Variants in PTCHD4 observed in about 807,000 individuals in gnomAD.
PTCHD4 encodes the protein patched domain-containing protein 4.
PTCHD4 carries 33 observed loss-of-function variants against 58.1 expected under a neutral mutation model. That is an observed-to-expected ratio of 0.57 (90% CI 0.43 to 0.76). The LOEUF (loss-of-function observed/expected upper bound fraction) is 0.76. PTCHD4 is among the 30% of genes least tolerant of loss of function. PTCHD4 has a pLI of 0.00. For synonymous variants in PTCHD4, 478 were observed against 409.6 expected (o/e 1.17, Z -2.02); for missense variants, 1,058 against 1,027.1 (o/e 1.03, Z -0.41).
chr6:48,066,074 C>G (rs550532354), intron 3 of PTCHD4, among the ~76,000 whole-genome samples: 1 of 151,700 alleles, frequency 6.6e-6, no homozygotes, highest in South Asian at 2.1e-4. Context: ...TTGCAGGTTA[C>G]TCTGGGTGAG....
At position 48,047,178 on chromosome 6, in the gene PTCHD4, C is replaced by T. The variant is rs938759855; in HGVS notation, c.417+21052G>A. 2.0e-5 allele frequency among the ~76,000 whole-genome samples: 3 copies of T among 151,696 alleles called. No homozygotes were observed. In the Admixed American group the frequency reaches 2.0e-4, roughly 10 times the overall value. On this transcript the variant is annotated intron_variant, in intron 3 of 4. Coordinates refer to ENST00000339488, the MANE Select transcript of PTCHD4 (RefSeq NM_001384253.1). ...ACTCTCTCCCTTCCCTTCTCTTGTT[C>T]TAATGACTGTAGTGTTTTTTTCAAG...
At chr6:47,971,129 G>A (rs143676380) in intron 4 of PTCHD4, among the ~76,000 whole-genome samples, 11 of 152,080 alleles carry the variant, frequency 7.2e-5, no homozygotes, top group Non-Finnish European at 1.3e-4. Flanking sequence ...CCTTGAAGTC[G>A]GAACACTGAA....
intron 4 of PTCHD4, among the ~76,000 whole-genome samples, chr6:47,906,539 G>T (rs892075642): frequency 1.3e-5 from 2 of 152,148 alleles, no homozygotes; most frequent in African/African-American, 4.8e-5. Context: ...CCAAGTGTTT[G>T]GAACCTAGAT....
intron 3 of PTCHD4, among the ~76,000 whole-genome samples, chr6:48,019,590 G>T (rs1762989284): frequency 6.6e-6 from 1 of 152,034 alleles, no homozygotes; most frequent in Non-Finnish European, 1.5e-5. Context: ...CAAAAAATTA[G>T]CTGGGCGTGG....
At chr6:47,881,164 T>C (rs2114101911) in intron 4 of PTCHD4, among the ~76,000 whole-genome samples, 1 of 152,306 alleles carries the variant, frequency 6.6e-6, no homozygotes, top group Non-Finnish European at 1.5e-5. Context: ...AGGACTTAAA[T>C]GTGGCACTTA....
chr6:47,942,928 A>G lies in PTCHD4; in HGVS notation c.899-62992T>C, dbSNP rs144343854. On this transcript the variant is annotated intron_variant, in intron 4 of 4. Coordinates refer to ENST00000339488, the MANE Select transcript of PTCHD4 (RefSeq NM_001384253.1). ...CTAAAAAATATTTTTCCAGGTGTTT[A>G]TATCAGAAAATATTCTGTGGCAATT... 1.1e-4 allele frequency among the ~76,000 whole-genome samples: 16 copies of G among 152,302 alleles called. No homozygotes were observed. The East Asian group carries it at 2.7e-3, about 26-fold the overall frequency.
intron 3 of PTCHD4, among the ~76,000 whole-genome samples, chr6:48,053,914 T>C (rs1490136921): frequency 1.3e-5 from 2 of 152,130 alleles, no homozygotes. Flanking sequence ...ACCCCAAACT[T>C]GGCCTGAAGC....
At chr6:48,060,700 C>G (rs1764594713) in intron 3 of PTCHD4, among the ~76,000 whole-genome samples, 1 of 152,152 alleles carries the variant, frequency 6.6e-6, no homozygotes, top group Admixed American at 6.5e-5. Context: ...GTCTTGAACT[C>G]CTGGGCTCAA....
At chr6:48,049,284 G>T (rs2114166752) in intron 3 of PTCHD4, among the ~76,000 whole-genome samples, 1 of 151,750 alleles carries the variant, frequency 6.6e-6, no homozygotes, top group South Asian at 2.1e-4. Context: ...AGAATCATCT[G>T]GCCCCAAATA....
intron 1 of PTCHD4, among the ~76,000 whole-genome samples, chr6:48,091,780 G>T (rs185715167): frequency 0.011 from 1,661 of 151,928 alleles, 31 homozygotes; most frequent in African/African-American, 0.036. Context: ...TGAGTAGCTG[G>T]GATTAAAGGC....
At chr6:48,093,961 T>C (rs1215666498) in intron 1 of PTCHD4, among the ~76,000 whole-genome samples, 2 of 152,102 alleles carry the variant, frequency 1.3e-5, no homozygotes, top group Admixed American at 1.3e-4. Context: ...AACAAGAAAA[T>C]AGTCTTATGC....
chr6:48,001,811 C>T (rs982835842), intron 4 of PTCHD4, among the ~76,000 whole-genome samples: 7 of 152,088 alleles, frequency 4.6e-5, no homozygotes, highest in Admixed American at 2.0e-4. Flanking sequence ...CTACCATTAG[C>T]GTGAACAGGC....
Position 47,868,429 on chromosome 6 carries a change from T to G in PTCHD4, c.*9874A>C, listed in dbSNP as rs1247728091. ...AAACAACAACAAAAGCTTCTGAATA[T>G]GGGCTCTCAAAGATTGAAATTATTA... On this transcript the variant is annotated 3_prime_UTR_variant, in exon 5 of 5. Transcript: ENST00000339488. Among the ~76,000 whole-genome samples the G allele has an allele frequency of 6.6e-6, 1 of 151,740 alleles. No homozygotes were observed. Among genetic ancestry groups the G allele is most frequent in the Non-Finnish European group, 1.5e-5 (1 of 67,812 alleles).
intron 1 of PTCHD4, among the ~76,000 whole-genome samples, chr6:48,102,119 GTCATTACC>G (rs1319258095): frequency 6.6e-6 from 1 of 152,142 alleles, no homozygotes; most frequent in East Asian, 1.9e-4. Context: ...TAAACTCCTA[GTCATTACC>G]TCAAATCCCA....
At chr6:48,030,345 T>G (rs532584687) in intron 3 of PTCHD4, among the ~76,000 whole-genome samples, 1 of 152,274 alleles carries the variant, frequency 6.6e-6, no homozygotes, top group South Asian at 2.1e-4. Context: ...ATTTTAGTCC[T>G]GTTTGCTATC....
At chr6:48,083,780 A>T (rs776967064) in intron 1 of PTCHD4, among the ~76,000 whole-genome samples, 6 of 152,224 alleles carry the variant, frequency 3.9e-5, no homozygotes, top group Non-Finnish European at 7.3e-5. Context: ...ACAGTCAGCA[A>T]AGAAATGGGG....
At chr6:48,080,478 A>G (rs1765144305) in intron 1 of PTCHD4, among the ~76,000 whole-genome samples, 1 of 152,306 alleles carries the variant, frequency 6.6e-6, no homozygotes, top group Admixed American at 6.5e-5. Context: ...GAGCAGCTGT[A>G]AAATTTAGTG....
chr6:47,875,998 A>G lies in PTCHD4; in HGVS notation c.*2305T>C, dbSNP rs1201122558. ...TCTCCCATATTTTGATATGGGAGAT[A>G]AAAATCTTCCATATCAAATCTTTAC... is the stretch of plus-strand genomic sequence containing the variant. On this transcript the variant is annotated 3_prime_UTR_variant, in exon 5 of 5. Coordinates refer to ENST00000339488, the MANE Select transcript of PTCHD4 (RefSeq NM_001384253.1). Among the ~76,000 whole-genome samples the G allele has an allele frequency of 6.6e-6, 1 of 151,828 alleles. No individual in the cohort carries two copies. Among genetic ancestry groups the G allele is most frequent in the Non-Finnish European group, 1.5e-5 (1 of 67,868 alleles).
chr6:48,064,518 T>C (rs938301105), intron 3 of PTCHD4, among the ~76,000 whole-genome samples: 4 of 152,146 alleles, frequency 2.6e-5, no homozygotes, highest in African/African-American at 9.6e-5. Flanking sequence ...CCATTTCTAT[T>C]ACTGTATACA....
Sources: allele counts gnomAD v4.1 joint callset (sites outside exome capture counted in the v4.1 genomes callset), GRCh38; gene constraint gnomAD v4.1.1; transcripts MANE v1.5; gene names NCBI Gene and HGNC (gene_info 2026-07-23, HGNC 2026-07-21).